The following RAD54L2 variants were observed in gnomAD, a reference collection of about 807,000 sequenced individuals.
RAD54L2 encodes the protein helicase ARIP4.
In RAD54L2, 27 loss-of-function variants were observed where a neutral mutation model predicts 138.4. The observed-to-expected ratio is 0.20, with a 90% CI of 0.14 to 0.27. The LOEUF is 0.27. RAD54L2 is among the 10% of genes least tolerant of loss of function. The pLI, the probability that RAD54L2 is intolerant of heterozygous loss-of-function variation, is 1.00. For missense variants in RAD54L2, 1,396 were observed against 1,890.2 expected (o/e 0.74, Z 4.85); for synonymous variants, 644 against 723.2 (o/e 0.89, Z 1.76).
Position 51,662,282 on chromosome 3 carries a change from G to T in RAD54L2, c.3410-144G>T. The T allele has an allele frequency of 1.5e-6, 1 of 675,700 alleles. No individual in the cohort carries two copies. 41.9% of individuals were successfully genotyped at this position (675,700 alleles called of 1,614,324 possible). A position where few individuals can be genotyped will look rare whatever the true frequency, so the allele number is the denominator to read the frequency against. ...AAGAATTTCTTTGTGACTGGAAAAGGTTGACTGGGTGATGTTGTTCAGACA... is the reference window on the plus strand; with the variant it reads ...AAGAATTTCTTTGTGACTGGAAAAGTTTGACTGGGTGATGTTGTTCAGACA... On this transcript the variant is annotated intron_variant, in intron 22 of 22. Coordinates refer to ENST00000684192, the MANE Select transcript of RAD54L2 (RefSeq NM_015106.4). This position sits in a 1 kb window ranked among gnomAD's most constrained non-coding sequence, Gnocchi z 4.6.
intron 15 of RAD54L2, among the ~76,000 whole-genome samples, chr3:51,643,406 G>A (rs537105758): frequency 2.0e-5 from 3 of 152,314 alleles, no homozygotes; most frequent in East Asian, 1.9e-4. Flanking sequence ...TGTTCCAGAT[G>A]TATTTCCTTT....
intron 19 of RAD54L2, among the ~76,000 whole-genome samples, chr3:51,650,263 C>A (rs1220542922): frequency 6.6e-6 from 1 of 152,162 alleles, no homozygotes; most frequent in Non-Finnish European, 1.5e-5. Flanking sequence ...GCACCCAATA[C>A]AGGAGCACCC....
At chr3:51,608,111 G>A (rs1238827452) in intron 3 of RAD54L2, among the ~76,000 whole-genome samples, 5 of 151,708 alleles carry the variant, frequency 3.3e-5, no homozygotes, top group African/African-American at 7.3e-5. Flanking sequence ...CTTCTCAGAC[G>A]GGGCGGCCGG....
At chr3:51,613,344 T>C (rs1445593736) in intron 3 of RAD54L2, among the ~76,000 whole-genome samples, 1 of 152,232 alleles carries the variant, frequency 6.6e-6, no homozygotes, top group East Asian at 1.9e-4. Flanking sequence ...ACGTTCCCAC[T>C]TTGTGGCTGG....
In RAD54L2 at chr3:51,538,898, G is replaced by C. The variant is rs1553670665; in HGVS notation, c.-134G>C. 1.3e-5 allele frequency among the ~76,000 whole-genome samples: 2 copies of C among 152,084 alleles called. No individual in the cohort carries two copies. Among genetic ancestry groups the C allele is most frequent in the African/African-American group, 4.8e-5 (2 of 41,444 alleles). ...GGCCCTGCGCGGTCCGGCGCGGCCC[G>C]GAGCCGCGGCGCAGGAGGTGAGACG... is the stretch of plus-strand genomic sequence containing the variant. On this transcript the variant is annotated 5_prime_UTR_variant, in exon 1 of 23. Coordinates refer to ENST00000684192, the MANE Select transcript of RAD54L2 (RefSeq NM_015106.4).
At position 51,645,720 on chromosome 3, in the gene RAD54L2, T is replaced by G; in HGVS notation, c.2786T>G (p.Val929Gly). ...AACGTAAAGGGGATCAAGGAGTCAG[T>G]CCTGCAACTGGCCTGTCTGAAGTAC... The part of the protein sequence containing the change: ...SLNVKGIKES[V>G]LQLACLKYPH... Residue 929 changes from valine (V) to glycine (G), a missense_variant, in exon 18 of 23, where the codon GTC becomes GGC. Around this residue, in one of 7 missense-constraint regions of RAD54L2, gnomAD observed 634 missense variants for 711.2 expected, o/e 0.89. Coordinates refer to ENST00000684192, the MANE Select transcript of RAD54L2 (RefSeq NM_015106.4). This position sits in a 1 kb window ranked among gnomAD's most constrained non-coding sequence, Gnocchi z 6.1. The G allele has an allele frequency of 1.2e-6, 2 of 1,612,920 alleles. No individual in the cohort carries two copies. Among genetic ancestry groups the G allele is most frequent in the Non-Finnish European group, 1.7e-6 (2 of 1,179,512 alleles).
intron 21 of RAD54L2, 73 bp downstream of exon 21, chr3:51,657,742 T>C: frequency 1.9e-6 from 2 of 1,066,620 alleles, no homozygotes. Flanking sequence ...AATAAATACA[T>C]ATGACTTGAG....
At chr3:51,644,887 A>C in intron 16 of RAD54L2, 137 bp from the exon 17 acceptor site, 1 of 818,876 alleles carries the variant, frequency 1.2e-6, no homozygotes, top group Non-Finnish European at 2.0e-6. Context: ...TATCAGCAGG[A>C]CAGCAAAATC....
At chr3:51,626,378 AC>A (rs1460394351) in intron 3 of RAD54L2, among the ~76,000 whole-genome samples, 1 of 135,166 alleles carries the variant, frequency 7.4e-6, no homozygotes, top group Non-Finnish European at 1.5e-5. Flanking sequence ...GCCTACTCCA[AC>A]CCCAGTCCTT....
chr3:51,666,341 C>T lies in RAD54L2; in HGVS notation c.*2921C>T, dbSNP rs185811072. On this transcript the variant is annotated 3_prime_UTR_variant, in exon 23 of 23. Transcript: ENST00000684192. ...AGGAAGTATCTCAGAGCCTAAGAAC[C>T]ATGTTTTATAGTTTCTTTGATCATA... is the stretch of plus-strand genomic sequence containing the variant. 18 of 151,942 alleles carry T rather than the reference C, an allele frequency of 1.2e-4. No homozygotes were observed. Among genetic ancestry groups the T allele is most frequent in the African/African-American group, 4.3e-4 (18 of 41,416 alleles). The allele number at this position is 151,942 out of a possible 1,614,324, so 9.4% of individuals were successfully genotyped here. A position where few individuals can be genotyped will look rare whatever the true frequency, so the allele number is the denominator to read the frequency against.
chr3:51,640,071 C>T, intron 14 of RAD54L2, 72 bp downstream of exon 14: 1 of 1,131,998 alleles, frequency 8.8e-7, no homozygotes, highest in East Asian at 2.6e-5. Flanking sequence ...CAGAGCAAGA[C>T]CAAGACCACC....
chr3:51,616,715 C>G (rs1700451799), intron 3 of RAD54L2, among the ~76,000 whole-genome samples: 1 of 152,126 alleles, frequency 6.6e-6, no homozygotes, highest in South Asian at 2.1e-4. Context: ...GTAATCCCAG[C>G]CACTTGGGAG....
At chr3:51,620,517 A>T (rs1231850933) in intron 3 of RAD54L2, among the ~76,000 whole-genome samples, 1 of 150,406 alleles carries the variant, frequency 6.6e-6, no homozygotes, top group South Asian at 2.1e-4. Context: ...TTTTTATACA[A>T]TAGGAGAGAG....
chr3:51,550,234 A>G (rs1311181545), intron 2 of RAD54L2, among the ~76,000 whole-genome samples: 1 of 151,988 alleles, frequency 6.6e-6, no homozygotes, highest in Non-Finnish European at 1.5e-5. Context: ...ATGTTTCCCA[A>G]AGGTGCCTTT....
chr3:51,592,206 T>C (rs1347474454), intron 3 of RAD54L2, among the ~76,000 whole-genome samples: 1 of 150,206 alleles, frequency 6.7e-6, no homozygotes, highest in Admixed American at 6.6e-5. Flanking sequence ...TGGGATTACA[T>C]GTGCCTGCCA....
intron 2 of RAD54L2, among the ~76,000 whole-genome samples, chr3:51,582,920 C>G (rs1487183408): frequency 6.6e-6 from 1 of 152,084 alleles, no homozygotes; most frequent in Non-Finnish European, 1.5e-5. Context: ...CGCCCGCCAC[C>G]GCGCCCGGCT....
At chr3:51,596,567 A>G (rs550824379) in intron 3 of RAD54L2, among the ~76,000 whole-genome samples, 2 of 152,172 alleles carry the variant, frequency 1.3e-5, no homozygotes, top group Admixed American at 6.6e-5. Flanking sequence ...TTTCACTCCA[A>G]AATTTCAGCT....
At chr3:51,575,364 GT>G (rs1374939227) in intron 2 of RAD54L2, among the ~76,000 whole-genome samples, 5 of 152,176 alleles carry the variant, frequency 3.3e-5, no homozygotes, top group Non-Finnish European at 5.9e-5. Context: ...CTTTAAAGTA[GT>G]TTTTTTCCAA....
At chr3:51,558,478 T>TC (rs10529342) in intron 2 of RAD54L2, among the ~76,000 whole-genome samples, 32 of 150,164 alleles carry the variant, frequency 2.1e-4, no homozygotes, top group East Asian at 1.2e-3. Flanking sequence ...TCTCTCTCTC[T>TC]TTTTTGAGAC....
Sources: allele counts gnomAD v4.1 joint callset (sites outside exome capture counted in the v4.1 genomes callset), GRCh38; gene constraint gnomAD v4.1.1; regional missense constraint gnomAD v4.1.1; non-coding constraint Gnocchi (gnomAD v3.1); transcripts MANE v1.5; gene names NCBI Gene and HGNC (gene_info 2026-07-23, HGNC 2026-07-21).